The following REEP6 variants were observed in gnomAD, a reference collection of about 807,000 sequenced individuals.
The protein encoded by REEP6 is receptor expression-enhancing protein 6.
In REEP6, 19 loss-of-function variants were observed where a neutral mutation model predicts 22.4. The ratio of observed to expected loss-of-function variants is 0.85; its 90% confidence interval spans 0.59 to 1.25. The LOEUF (loss-of-function observed/expected upper bound fraction) is 1.25, where lower values mean the gene tolerates loss of function less well. Among genes scored for constraint, REEP6 ranks in the 50% most tolerant of loss-of-function variants. The probability of loss-of-function intolerance (pLI) is 0.00; values close to 1 mark genes in which losing one functional copy is unlikely to be tolerated. For synonymous variants in REEP6, 121 were observed against 113.6 expected, an observed-to-expected ratio of 1.06 and a Z score of -0.41; for missense variants, 273 against 251.9, an observed-to-expected ratio of 1.08 and a Z score of -0.57.
At chr19:1,496,246 C>G in intron 3 of REEP6, 39 bp from the exon 4 acceptor site, 1 of 1,575,728 alleles carries the variant, frequency 6.3e-7, no homozygotes. Flanking sequence ...GGGCACAGAG[C>G]TGGGTGGGCC....
In REEP6 at chr19:1,495,334, C is replaced by T. The variant is rs752594868; in HGVS notation, c.156C>T (p.Tyr52=). 3.7e-5 allele frequency: 59 copies of T among 1,613,592 alleles called. No individual in the cohort carries two copies. The highest frequency in any genetic ancestry group is 2.2e-4 in the Admixed American group (13 of 60,036). Residue 52 remains tyrosine (Y), a synonymous_variant, in exon 2 of 5, where the codon TAC becomes TAT. Coordinates refer to ENST00000233596, the MANE Select transcript of REEP6 (RefSeq NM_138393.4). The part of the protein sequence containing the change: ...TLLSLYLLFG[Y]GASLLCNLIG... Reference sequence around the variant, plus strand: ...TAAGCCTGTATCTGCTGTTCGGCTACGGAGCGTCTCTGCTGTGCAATCTCA... The same window carrying T: ...TAAGCCTGTATCTGCTGTTCGGCTATGGAGCGTCTCTGCTGTGCAATCTCA...
chr19:1,491,807 G>C lies in REEP6; in HGVS notation c.115+423G>C, dbSNP rs2084949598. 6.6e-6 allele frequency among the ~76,000 whole-genome samples: 1 copy of C among 152,188 alleles called. No homozygotes were observed. Among genetic ancestry groups the C allele is most frequent in the African/African-American group, 2.4e-5 (1 of 41,450 alleles). ...CTCCTGGCGGGAAGGGGAACGGACC[G>C]TCCTGGGGGCCTGCCCAGGACCCTT... On this transcript the variant is annotated intron_variant, in intron 1 of 4. Transcript: ENST00000233596. The surrounding 1 kb of genome is among the most constrained non-coding windows in gnomAD (Gnocchi z 5.4).
intron 3 of REEP6, chr19:1,496,074 G>A (rs2085003681): frequency 1.7e-6 from 1 of 597,234 alleles, no homozygotes; most frequent in Non-Finnish European, 2.9e-6. Flanking sequence ...GTCTGATGGT[G>A]GAGGGCTCAC....
Position 1,496,472 on chromosome 19 carries a change from C to G in REEP6, c.517+19C>G, listed in dbSNP as rs1568235570. On this transcript the variant is annotated intron_variant, in intron 4 of 4. Transcript: ENST00000233596. ...AGGAACGGTGGGTGCTCGCAGGCGC[C>G]TGGCTGCCTCAGGCCATCTCCCGGG... 1 of 1,606,210 alleles carries G rather than the reference C, an allele frequency of 6.2e-7. No homozygotes were observed.
At chr19:1,494,217 G>A (rs917412099) in intron 1 of REEP6, among the ~76,000 whole-genome samples, 1 of 152,226 alleles carries the variant, frequency 6.6e-6, no homozygotes, top group African/African-American at 2.4e-5. Flanking sequence ...AGTGCCGGCT[G>A]GTGAGTGCAC....
In REEP6 at chr19:1,491,369, C is replaced by T; in HGVS notation, c.100C>T (p.Arg34Trp). Reference sequence around the variant, plus strand: ...GGAGGCCAAGACCGGGGTGGAGAAGCGGTATCTGGCTGCAGGTGAGCCGTC... The same window carrying T: ...GGAGGCCAAGACCGGGGTGGAGAAGTGGTATCTGGCTGCAGGTGAGCCGTC... Reference protein sequence around the residue: ...ALEAKTGVEKRYLAAGAVTLL... With the variant: ...ALEAKTGVEKWYLAAGAVTLL... The change falls in exon 1 of 5, where the codon CGG becomes TGG. Residue 34 changes from arginine (R) to tryptophan (W), a missense_variant. Coordinates refer to ENST00000233596, the MANE Select transcript of REEP6 (RefSeq NM_138393.4). The surrounding 1 kb of genome is among the most constrained non-coding windows in gnomAD (Gnocchi z 5.4). 3 of 1,465,062 alleles carry T rather than the reference C, an allele frequency of 2.0e-6. No individual in the cohort carries two copies. The highest frequency in any genetic ancestry group is 6.0e-5 in the East Asian group (2 of 33,296). The allele number at this position is 1,465,062 out of a possible 1,614,324, so 90.8% of individuals were successfully genotyped here. A position where few individuals can be genotyped will look rare whatever the true frequency, so the allele number is the denominator to read the frequency against.
At chr19:1,495,781 C>G (rs1215402713) in intron 3 of REEP6, 174 bp downstream of exon 3, 1 of 806,454 alleles carries the variant, frequency 1.2e-6, no homozygotes, top group Admixed American at 2.8e-5. Context: ...GGAGGGCCCA[C>G]CCTGAAGGGT....
At position 1,497,043 on chromosome 19, in the gene REEP6, C is replaced by G. The variant is rs2085014726; in HGVS notation, c.518-131C>G. The G allele has an allele frequency of 2.9e-6, 2 of 701,186 alleles. No individual in the cohort carries two copies. 43.4% of individuals were successfully genotyped at this position (701,186 alleles called of 1,614,324 possible). A position where few individuals can be genotyped will look rare whatever the true frequency, so the allele number is the denominator to read the frequency against. The stretch of plus-strand genomic sequence containing the variant: ...AGCCTCTGTGTGGTTGACACCATCT[C>G]TGCTGAGGGTGGCTGCCCGGCCCCT... On this transcript the variant is annotated intron_variant, in intron 4 of 4. Transcript: ENST00000233596. This position sits in a 1 kb window ranked among gnomAD's most constrained non-coding sequence, Gnocchi z 6.5.
rs774347021 is a variant in REEP6, at chr19:1,495,620, A to G, written c.348+13A>G. ...CTACGTGGGCAAGGTGGGCCCTGCCAGGGCGGGCACAGCCGTGGAGCGCAT... is the reference window on the plus strand; with the variant it reads ...CTACGTGGGCAAGGTGGGCCCTGCCGGGGCGGGCACAGCCGTGGAGCGCAT... On this transcript the variant is annotated intron_variant, in intron 3 of 4. Transcript: ENST00000233596. 3 of 1,613,802 alleles carry G rather than the reference A, an allele frequency of 1.9e-6. No homozygotes were observed. The highest frequency in any genetic ancestry group is 4.5e-5 in the East Asian group (2 of 44,892).
At position 1,491,848 on chromosome 19, in the gene REEP6, T is replaced by G. The variant is rs1260493613; in HGVS notation, c.115+464T>G. On this transcript the variant is annotated intron_variant, in intron 1 of 4. Coordinates refer to ENST00000233596, the MANE Select transcript of REEP6 (RefSeq NM_138393.4). The surrounding 1 kb of genome is among the most constrained non-coding windows in gnomAD (Gnocchi z 5.4). ...CAGGACCCTTCTCCTTTCCTCCTCC[T>G]CTCCTGCCCTAGCTCACCTTCCCCC... is the stretch of plus-strand genomic sequence containing the variant. 6.6e-6 allele frequency among the ~76,000 whole-genome samples: 1 copy of G among 152,044 alleles called. No homozygotes were observed. The highest frequency in any genetic ancestry group is 1.5e-5 in the Non-Finnish European group (1 of 68,004).
chr19:1,496,614 C>G, intron 4 of REEP6, 161 bp downstream of exon 4: 2 of 964,694 alleles, frequency 2.1e-6, no homozygotes, highest in Non-Finnish European at 3.3e-6. Flanking sequence ...GGCCCGTAGC[C>G]GGGCAGGCAT....
Position 1,491,716 on chromosome 19 carries a change from C to T in REEP6, c.115+332C>T, listed in dbSNP as rs1397695386. Among the ~76,000 whole-genome samples the T allele has an allele frequency of 2.0e-5, 3 of 152,230 alleles. No individual in the cohort carries two copies. Among genetic ancestry groups the T allele is most frequent in the Non-Finnish European group, 2.9e-5 (2 of 68,042 alleles). ...CCAGTGTCCTGCGCGTTTCGCCGTCCCCCTTCCCCCGTGGACCCCGGCCTG... is the reference window on the plus strand; with the variant it reads ...CCAGTGTCCTGCGCGTTTCGCCGTCTCCCTTCCCCCGTGGACCCCGGCCTG... On this transcript the variant is annotated intron_variant, in intron 1 of 4. Transcript: ENST00000233596. The surrounding 1 kb of genome is among the most constrained non-coding windows in gnomAD (Gnocchi z 5.4).
chr19:1,496,454 G>A lies in REEP6; in HGVS notation c.517+1G>A, dbSNP rs2085007779. The A allele has an allele frequency of 6.2e-7, 1 of 1,610,310 alleles. No individual in the cohort carries two copies. The highest frequency in any genetic ancestry group is 8.5e-7 in the Non-Finnish European group (1 of 1,177,800). ...GCGGCGGCCGGAATAACCAGGAACG[G>A]TGGGTGCTCGCAGGCGCCTGGCTGC... is the stretch of plus-strand genomic sequence containing the variant. On this transcript the variant is annotated splice_donor_variant, in intron 4 of 4. Coordinates refer to ENST00000233596, the MANE Select transcript of REEP6 (RefSeq NM_138393.4). LOFTEE classifies it high-confidence loss of function.
rs779133976 is a variant in REEP6, at chr19:1,495,290, G to A, written c.116-4G>A. ...CCTGGCACACCACCGCCTCTCTCCG[G>A]CAGGAGCCGTCACTCTGCTAAGCCT... is the stretch of plus-strand genomic sequence containing the variant. On this transcript the variant is annotated splice_region_variant and splice_polypyrimidine_tract_variant and intron_variant, in intron 1 of 4. Coordinates refer to ENST00000233596, the MANE Select transcript of REEP6 (RefSeq NM_138393.4). The A allele has an allele frequency of 5.8e-5, 93 of 1,611,356 alleles. No homozygotes were observed. The Middle Eastern group carries it at 1.2e-3, about 20-fold the overall frequency.
At position 1,491,472 on chromosome 19, in the gene REEP6, C is replaced by G; in HGVS notation, c.115+88C>G. On this transcript the variant is annotated intron_variant, in intron 1 of 4. Transcript: ENST00000233596. The surrounding 1 kb of genome is among the most constrained non-coding windows in gnomAD (Gnocchi z 5.4). ...GCAGACCGGACTCCTTCCCCGGCTA[C>G]GGGGTCCGGTCCGGCCGGTGGAGCG... The G allele has an allele frequency of 1.0e-6, 1 of 962,442 alleles. No individual in the cohort carries two copies. Among genetic ancestry groups the G allele is most frequent in the Non-Finnish European group, 1.4e-6 (1 of 706,300 alleles). 59.6% of individuals were successfully genotyped at this position (962,442 alleles called of 1,614,324 possible).
At position 1,496,466 on chromosome 19, in the gene REEP6, A is replaced by G. The variant is rs1247120873; in HGVS notation, c.517+13A>G. Reference sequence around the variant, plus strand: ...ATAACCAGGAACGGTGGGTGCTCGCAGGCGCCTGGCTGCCTCAGGCCATCT... The same window carrying G: ...ATAACCAGGAACGGTGGGTGCTCGCGGGCGCCTGGCTGCCTCAGGCCATCT... On this transcript the variant is annotated intron_variant, in intron 4 of 4. Transcript: ENST00000233596. 2 of 1,607,392 alleles carry G rather than the reference A, an allele frequency of 1.2e-6. No individual in the cohort carries two copies. Among genetic ancestry groups the G allele is most frequent in the South Asian group, 1.1e-5 (1 of 90,956 alleles).
At position 1,497,076 on chromosome 19, in the gene REEP6, T is replaced by C. The variant is rs2085015060; in HGVS notation, c.518-98T>C. On this transcript the variant is annotated intron_variant, in intron 4 of 4. Transcript: ENST00000233596. The surrounding 1 kb of genome is among the most constrained non-coding windows in gnomAD (Gnocchi z 6.5). ...GGTGGCTGCCCGGCCCCTCGACTTGTCATGCTCATAGCCAGTAGCCTCAGT... is the reference window on the plus strand; with the variant it reads ...GGTGGCTGCCCGGCCCCTCGACTTGCCATGCTCATAGCCAGTAGCCTCAGT... 9.6e-7 allele frequency: 1 copy of C among 1,046,082 alleles called. No homozygotes were observed. The highest frequency in any genetic ancestry group is 1.3e-6 in the Non-Finnish European group (1 of 741,352). 64.8% of individuals were successfully genotyped at this position (1,046,082 alleles called of 1,614,324 possible).
At chr19:1,495,677 C>T in intron 3 of REEP6, 70 bp downstream of exon 3, 1 of 1,593,758 alleles carries the variant, frequency 6.3e-7, no homozygotes, top group South Asian at 1.1e-5. Flanking sequence ...GGCGCTGGGG[C>T]CAGAAAGTCC....
Position 1,497,492 on chromosome 19 carries a change from G to C in REEP6, c.*281G>C. 2.9e-6 allele frequency: 2 copies of C among 685,694 alleles called. No individual in the cohort carries two copies. Among genetic ancestry groups the C allele is most frequent in the Non-Finnish European group, 5.5e-6 (2 of 364,986 alleles). 42.5% of individuals were successfully genotyped at this position (685,694 alleles called of 1,614,324 possible). On this transcript the variant is annotated 3_prime_UTR_variant, in exon 5 of 5. Coordinates refer to ENST00000233596, the MANE Select transcript of REEP6 (RefSeq NM_138393.4). This position sits in a 1 kb window ranked among gnomAD's most constrained non-coding sequence, Gnocchi z 6.5. ...GGGCCCAGGGCCAGCGTCGGGCACA[G>C]GGCAGCTCCCACTGGTCTCGGCAAC... is the stretch of plus-strand genomic sequence containing the variant.
Sources: gnomAD v4.1 joint callset for allele counts (sites outside exome capture counted in the v4.1 genomes callset) on GRCh38, gnomAD v4.1.1 for gene constraint, Gnocchi (gnomAD v3.1) non-coding constraint, MANE v1.5 for transcripts, NCBI Gene and HGNC (gene_info 2026-07-23, HGNC 2026-07-21) for gene names.